The following DMD variants were observed in gnomAD, a reference collection of about 807,000 sequenced individuals.
DMD encodes the protein mutant dystrophin.
In DMD, 63 loss-of-function variants were observed where a neutral mutation model predicts 330.1. The ratio of observed to expected loss-of-function variants is 0.19; its 90% CI spans 0.16 to 0.24. The LOEUF (loss-of-function observed/expected upper bound fraction) is 0.24. Ranked by LOEUF, DMD falls within the 10% of genes least tolerant of loss-of-function variation. The pLI, the probability that DMD is intolerant of heterozygous loss-of-function variation, is 1.00. For missense variants in DMD, 3,344 were observed against 2,684.1 expected (o/e 1.25, Z -5.43); for synonymous variants, 1,223 against 959.8 (o/e 1.27, Z -5.07).
At chrX:32,555,458 A>G (rs2050194944) in intron 16 of DMD, among the ~76,000 whole-genome samples, 1 of 111,711 alleles carries the variant, frequency 9.0e-6, no homozygotes, top group East Asian at 2.8e-4. Context: ...AGGGAAGAGA[A>G]AGAAATAAAG....
chrX:31,286,187 G>A (rs1569517643), intron 62 of DMD, among the ~76,000 whole-genome samples: 1 of 112,177 alleles, frequency 8.9e-6, no homozygotes, highest in Non-Finnish European at 1.9e-5. Context: ...TTGTCTTCTA[G>A]ACCTAATAAG....
intron 55 of DMD, among the ~76,000 whole-genome samples, chrX:31,552,169 G>T (rs189236307): frequency 1.8e-5 from 2 of 111,618 alleles, no homozygotes; most frequent in African/African-American, 6.5e-5. Context: ...TCTTTTCAGA[G>T]CTGCTGCTTT....
In DMD at chrX:33,086,628, AT is replaced by A. The variant is rs1399984372; in HGVS notation, c.32-66429del. Among the ~76,000 whole-genome samples, 4 of 110,677 alleles carry A rather than the reference AT, an allele frequency of 3.6e-5. No individual in the cohort carries two copies. In the Admixed American group the frequency reaches 3.9e-4, roughly 11 times the overall value. On this transcript the variant is annotated intron_variant, in intron 1 of 78. Transcript: ENST00000357033. ...TTAATTACTCATTCATGAATTGCTA[AT>A]TAATACTTCCAAACTAAAATATTAA... is the stretch of plus-strand genomic sequence containing the variant.
chrX:32,450,616 A>G (rs1343493818), intron 26 of DMD, among the ~76,000 whole-genome samples: 1 of 110,482 alleles, frequency 9.1e-6, no homozygotes. Flanking sequence ...TGTTACCTCT[A>G]TATTGGACAT....
intron 57 of DMD, among the ~76,000 whole-genome samples, chrX:31,481,821 A>C (rs1410762798): frequency 9.0e-6 from 1 of 111,488 alleles, no homozygotes; most frequent in Non-Finnish European, 1.9e-5. Context: ...ATTTCAAAAA[A>C]TATGAAGCCC....
At chrX:32,111,531 T>C (rs1471816098) in intron 44 of DMD, among the ~76,000 whole-genome samples, 3 of 112,238 alleles carry the variant, frequency 2.7e-5, no homozygotes, top group African/African-American at 6.5e-5. Flanking sequence ...ATAGACTAAC[T>C]ACAGCTTTTT....
At chrX:31,935,123 T>G (rs1009777817) in intron 45 of DMD, among the ~76,000 whole-genome samples, 16 of 111,427 alleles carry the variant, frequency 1.4e-4, no homozygotes, top group Non-Finnish European at 2.1e-4. Context: ...AAACATTCAT[T>G]GAAGTGAGAG....
Position 32,287,558 on chromosome X carries a change from T to A in DMD, c.6261A>T (p.Lys2087Asn). ...GTCGGTCCTTGTACATTTTGTTAAC[T>A]TTTTCCCATTGGAAATCAAGCTGGG... ...ALSQLDFQWE[K>N]VNKMYKDRQG... is the part of the protein sequence containing the mutation. Residue 2087 changes from lysine to asparagine, a missense_variant, in exon 43 of 79, where the codon AAA becomes AAT. By Grantham distance (94) the Lys-to-Asn change is moderately conservative. Transcript: ENST00000357033. The A allele has an allele frequency of 8.3e-7, 1 of 1,210,962 alleles. No homozygotes were observed. Among genetic ancestry groups the A allele is most frequent in the Non-Finnish European group, 1.1e-6 (1 of 895,080 alleles).
chrX:31,494,882 G>A (rs1434988784), intron 57 of DMD, among the ~76,000 whole-genome samples: 2 of 111,642 alleles, frequency 1.8e-5, no homozygotes, highest in African/African-American at 6.5e-5. Context: ...ATTTTCTTTG[G>A]TTTCTGGAAC....
chrX:33,095,687 C>T (rs2095148232), intron 1 of DMD, among the ~76,000 whole-genome samples: 1 of 111,609 alleles, frequency 9.0e-6, no homozygotes, highest in Middle Eastern at 4.7e-3. Flanking sequence ...TTTAAATTTG[C>T]CTCATTTCAG....
chrX:33,006,673 ATCATCTC>A (rs1356764469), intron 2 of DMD, among the ~76,000 whole-genome samples: 1 of 111,693 alleles, frequency 9.0e-6, no homozygotes, highest in Non-Finnish European at 1.9e-5. Context: ...AGGCACTTGT[ATCATCTC>A]TCATTGTTCC....
chrX:31,717,014 T>G (rs1181402139), intron 52 of DMD, among the ~76,000 whole-genome samples: 5 of 111,278 alleles, frequency 4.5e-5, no homozygotes, highest in Admixed American at 9.6e-5. Flanking sequence ...CTGTGTGATC[T>G]TATGCAAAAT....
At chrX:31,638,539 A>C (rs748456208) in intron 54 of DMD, among the ~76,000 whole-genome samples, 1 of 112,618 alleles carries the variant, frequency 8.9e-6, no homozygotes, top group Non-Finnish European at 1.9e-5. Context: ...TCTAGCCAGT[A>C]TTTCTCCAAC....
intron 1 of DMD, among the ~76,000 whole-genome samples, chrX:33,221,097 A>G (rs1313984666): frequency 8.9e-6 from 1 of 111,737 alleles, no homozygotes; most frequent in Non-Finnish European, 1.9e-5. Flanking sequence ...CCTTGGTACT[A>G]TGGGATGACC....
chrX:32,317,144 C>T (rs1227399098), intron 41 of DMD, among the ~76,000 whole-genome samples: 1 of 111,155 alleles, frequency 9.0e-6, no homozygotes, highest in Non-Finnish European at 1.9e-5. Context: ...ATTATAGATA[C>T]TCATGCATCA....
Position 31,472,754 on chromosome X carries a change from C to T in DMD, c.8937+5352G>A, listed in dbSNP as rs559558491. Among the ~76,000 whole-genome samples, 28 of 112,279 alleles carry T rather than the reference C, an allele frequency of 2.5e-4. No homozygotes were observed. In the South Asian group the frequency reaches 9.9e-3, roughly 40 times the overall value. On this transcript the variant is annotated intron_variant, in intron 59 of 78. Transcript: ENST00000357033. ...ATCATAATTTCTAGCCTACTACACA[C>T]ATCATTAAATCAATCTCAATTTGAA... is the stretch of plus-strand genomic sequence containing the variant.
At chrX:32,600,377 A>C (rs2056056748) in intron 12 of DMD, among the ~76,000 whole-genome samples, 1 of 111,907 alleles carries the variant, frequency 8.9e-6, no homozygotes, top group Admixed American at 9.6e-5. Context: ...AGAAAACAAA[A>C]ACAAGGATGG....
intron 60 of DMD, among the ~76,000 whole-genome samples, chrX:31,357,578 G>A (rs2058735117): frequency 9.0e-6 from 1 of 110,880 alleles, no homozygotes; most frequent in Admixed American, 9.6e-5. Context: ...GGCTGGAAGG[G>A]GGAATTTGCT....
At chrX:31,999,240 C>A (rs1486175294) in intron 44 of DMD, among the ~76,000 whole-genome samples, 1 of 111,699 alleles carries the variant, frequency 9.0e-6, no homozygotes, top group Non-Finnish European at 1.9e-5. Context: ...ATAATACCAG[C>A]TAATAACTGG....
Sources: gnomAD v4.1 joint callset for allele counts (sites outside exome capture counted in the v4.1 genomes callset) on GRCh38, gnomAD v4.1.1 for gene constraint, MANE v1.5 for transcripts, NCBI Gene and HGNC (gene_info 2026-07-23, HGNC 2026-07-21) for gene names.